The following OR2V2 variants were observed in gnomAD, a reference collection of about 807,000 sequenced individuals.
The protein encoded by OR2V2 is olfactory receptor 2V2.
For synonymous variants in OR2V2, 161 were observed against 151.3 expected (o/e 1.06, Z -0.47); for missense variants, 392 against 392.2 (o/e 1.00, Z 0.00).
At chr5:181,151,542 C>T (rs576765018) in intron 1 of OR2V2, among the ~76,000 whole-genome samples, 8 of 152,224 alleles carry the variant, frequency 5.3e-5, no homozygotes, top group Non-Finnish European at 8.8e-5. Flanking sequence ...GGGGGCCCTT[C>T]GTGGCAAAAG....
chr5:181,154,301 C>T (rs549430322), intron 1 of OR2V2, among the ~76,000 whole-genome samples: 40 of 152,158 alleles, frequency 2.6e-4, no homozygotes, highest in South Asian at 6.2e-4. Context: ...GTAAAAGATT[C>T]GGTATCGGCC....
chr5:181,154,586 T>C (rs1255673798), intron 1 of OR2V2, among the ~76,000 whole-genome samples: 5 of 129,688 alleles, frequency 3.9e-5, no homozygotes, highest in African/African-American at 1.7e-4. Context: ...CAAGACTCCA[T>C]CTCAAAAAAA....
chr5:181,151,110 G>T (rs1763186055), intron 1 of OR2V2, among the ~76,000 whole-genome samples: 1 of 152,194 alleles, frequency 6.6e-6, no homozygotes, highest in Admixed American at 6.5e-5. Context: ...AAGACACGTG[G>T]GGGAGACCTG....
rs1481323678 is a variant in OR2V2 at position 181,157,517 on chromosome 5, G to A, written c.*1627G>A. On this transcript the variant is annotated 3_prime_UTR_variant, in exon 2 of 2. Coordinates refer to ENST00000641492, the MANE Select transcript of OR2V2 (RefSeq NM_206880.2). ...CTTCGGAGGAGGCTCCTTCCCTTGG[G>A]GGTTTAATTGCCTGAAAAGGTGTCT... 1 of 152,212 alleles carries A rather than the reference G, an allele frequency of 6.6e-6. No individual in the cohort carries two copies. Among genetic ancestry groups the A allele is most frequent in the African/African-American group, 2.4e-5 (1 of 41,442 alleles). The allele number at this position is 152,212 out of a possible 1,614,324, so 9.4% of individuals were successfully genotyped here.
rs1331814497 is a variant in OR2V2 at position 181,155,546 on chromosome 5, G to T, written c.604G>T (p.Ala202Ser). ...ATCCCTGTTTGAGAAGGTGATATTTGCTTGCTGTGTCTTCATGCTTCTCTT... is the reference window on the plus strand; with the variant it reads ...ATCCCTGTTTGAGAAGGTGATATTTTCTTGCTGTGTCTTCATGCTTCTCTT... ...DTSLFEKVIF[A>S]CCVFMLLFPF... The change falls in exon 2 of 2, where the codon GCT (alanine) becomes TCT (serine). Residue 202 changes from alanine to serine, a missense_variant. Ala to Ser is a moderately conservative substitution (Grantham distance 99). Coordinates refer to ENST00000641492, the MANE Select transcript of OR2V2 (RefSeq NM_206880.2). 4 of 1,614,178 alleles carry T rather than the reference G, an allele frequency of 2.5e-6. No individual in the cohort carries two copies. Among genetic ancestry groups the T allele is most frequent in the South Asian group, 1.1e-5 (1 of 91,084 alleles).
chr5:181,152,866 G>C (rs1763209416), intron 1 of OR2V2, among the ~76,000 whole-genome samples: 1 of 152,258 alleles, frequency 6.6e-6, no homozygotes, highest in South Asian at 2.1e-4. Context: ...GAGGCACCCA[G>C]ATGAGCTTCA....
At chr5:181,150,833 C>T (rs76356070) in intron 1 of OR2V2, among the ~76,000 whole-genome samples, 2 of 152,040 alleles carry the variant, frequency 1.3e-5, no homozygotes, top group African/African-American at 4.8e-5. Flanking sequence ...AAAAATTAGC[C>T]GAGCACGATG....
intron 1 of OR2V2, 60 bp downstream of exon 1, chr5:181,148,055 G>A (rs1169660325): frequency 2.5e-6 from 1 of 399,108 alleles, no homozygotes. Flanking sequence ...TGCTCCCGTT[G>A]CTGGTTCACG....
chr5:181,151,679 C>T (rs905883495), intron 1 of OR2V2, among the ~76,000 whole-genome samples: 1 of 152,120 alleles, frequency 6.6e-6, no homozygotes, highest in Non-Finnish European at 1.5e-5. Flanking sequence ...CAGCAAGACA[C>T]GCAGCTGTAT....
chr5:181,152,650 T>C (rs1763207110), intron 1 of OR2V2, among the ~76,000 whole-genome samples: 2 of 152,184 alleles, frequency 1.3e-5, no homozygotes, highest in African/African-American at 4.8e-5. Flanking sequence ...GTGACTCACG[T>C]CTAAAAACAG....
Position 181,147,733 on chromosome 5 carries a change from G to A in OR2V2, c.-287G>A, listed in dbSNP as rs1293669534. On this transcript the variant is annotated 5_prime_UTR_variant, in exon 1 of 2. Transcript: ENST00000641492. ...CAGCACCAGCTCCTTCCCTGAGCCT[G>A]TTTCTCCCTCTGAGAGGAGGCTGTG... 2.7e-6 allele frequency: 1 copy of A among 364,038 alleles called. No homozygotes were observed. The highest frequency in any genetic ancestry group is 4.7e-5 in the Admixed American group (1 of 21,496). The allele number at this position is 364,038 out of a possible 1,614,324, so 22.6% of individuals were successfully genotyped here. A position where few individuals can be genotyped will look rare whatever the true frequency, so the allele number is the denominator to read the frequency against.
intron 1 of OR2V2, among the ~76,000 whole-genome samples, chr5:181,148,576 T>C: frequency 6.6e-6 from 1 of 152,228 alleles, no homozygotes; most frequent in Non-Finnish European, 1.5e-5. Flanking sequence ...CATTATTCAT[T>C]AATCACGTGG....
chr5:181,149,428 T>C (rs1763165183), intron 1 of OR2V2, among the ~76,000 whole-genome samples: 2 of 152,156 alleles, frequency 1.3e-5, no homozygotes, highest in Admixed American at 1.3e-4. Flanking sequence ...CCAACAGCTC[T>C]GTTTGGCCAC....
chr5:181,151,086 T>C (rs1337860494), intron 1 of OR2V2, among the ~76,000 whole-genome samples: 1 of 151,974 alleles, frequency 6.6e-6, no homozygotes, highest in Non-Finnish European at 1.5e-5. Context: ...TGCAGCAAAG[T>C]TCTCAATGAG....
chr5:181,154,664 T>G (rs964597442), intron 1 of OR2V2, among the ~76,000 whole-genome samples: 1 of 151,504 alleles, frequency 6.6e-6, no homozygotes, highest in Admixed American at 6.6e-5. Context: ...TGTCCGAAGG[T>G]CTCTGACACA....
At position 181,157,836 on chromosome 5, in the gene OR2V2, C is replaced by T. The variant is rs758815605; in HGVS notation, c.*1946C>T. On this transcript the variant is annotated 3_prime_UTR_variant, in exon 2 of 2. Coordinates refer to ENST00000641492, the MANE Select transcript of OR2V2 (RefSeq NM_206880.2). ...CTCAGATTTCTCTGGGATTTTGCACCCTTCAACCCGTAAGTACCTTGAGTG... is the reference window on the plus strand; with the variant it reads ...CTCAGATTTCTCTGGGATTTTGCACTCTTCAACCCGTAAGTACCTTGAGTG... 6.6e-6 allele frequency: 1 copy of T among 152,148 alleles called. No homozygotes were observed. Among genetic ancestry groups the T allele is most frequent in the Non-Finnish European group, 1.5e-5 (1 of 68,032 alleles). The allele number at this position is 152,148 out of a possible 1,614,324, so 9.4% of individuals were successfully genotyped here.
At position 181,158,245 on chromosome 5, in the gene OR2V2, G is replaced by T. The variant is rs1319972911; in HGVS notation, c.*2355G>T. ...CAATGCTCCTTATGAAACAAGAGTT[G>T]CATAACTAGTCTCAGTGTGAGCAAC... On this transcript the variant is annotated 3_prime_UTR_variant, in exon 2 of 2. Coordinates refer to ENST00000641492, the MANE Select transcript of OR2V2 (RefSeq NM_206880.2). 6.6e-6 allele frequency: 1 copy of T among 151,882 alleles called. No homozygotes were observed. The highest frequency in any genetic ancestry group is 2.4e-5 in the African/African-American group (1 of 41,276). 9.4% of individuals were successfully genotyped at this position (151,882 alleles called of 1,614,324 possible).
At chr5:181,150,037 G>A (rs927141413) in intron 1 of OR2V2, among the ~76,000 whole-genome samples, 10 of 152,220 alleles carry the variant, frequency 6.6e-5, no homozygotes, top group African/African-American at 2.2e-4. Flanking sequence ...GGTTTGTTTT[G>A]CTGGTTGGTT....
chr5:181,152,261 CAA>C (rs557262736), intron 1 of OR2V2, among the ~76,000 whole-genome samples: 48 of 152,310 alleles, frequency 3.2e-4, no homozygotes, highest in South Asian at 3.1e-3. Context: ...CCAAGATTGA[CAA>C]AGAGTCTTTG....
Sources: gnomAD v4.1 joint callset for allele counts (sites outside exome capture counted in the v4.1 genomes callset) on GRCh38, gnomAD v4.1.1 for gene constraint, MANE v1.5 for transcripts, NCBI Gene and HGNC (gene_info 2026-07-23, HGNC 2026-07-21) for gene names.